The following TMEM150C variants were observed in gnomAD, a reference collection of about 807,000 sequenced individuals.
TMEM150C encodes the protein transmembrane protein 150C.
In TMEM150C, 10 loss-of-function variants were observed where a neutral mutation model predicts 29.9. The observed-to-expected ratio is 0.33, with a 90% CI of 0.21 to 0.57. The LOEUF (loss-of-function observed/expected upper bound fraction) is 0.57. TMEM150C is among the 20% of genes least tolerant of loss of function. The probability of loss-of-function intolerance (pLI) is 0.88; values close to 1 mark genes in which losing one functional copy is unlikely to be tolerated. For synonymous variants in TMEM150C, 101 were observed against 112.5 expected, an observed-to-expected ratio of 0.90 and a Z score of 0.64; for missense variants, 251 against 303.6, an observed-to-expected ratio of 0.83 and a Z score of 1.29.
At chr4:82,494,800 TTTTG>T in intron 6 of TMEM150C, 1 of 292,802 alleles carries the variant, frequency 3.4e-6, no homozygotes, top group South Asian at 3.4e-5. Flanking sequence ...TTTTTTTTTT[TTTTG>T]TGAGTCTGAT....
At chr4:82,533,245 A>G (rs1211930674) in intron 1 of TMEM150C, among the ~76,000 whole-genome samples, 3 of 152,206 alleles carry the variant, frequency 2.0e-5, no homozygotes, top group East Asian at 1.9e-4. Context: ...ATTCATTTAT[A>G]TATTTGTATG....
In TMEM150C at chr4:82,483,523, C is replaced by A. The variant is rs1372487230; in HGVS notation, c.*1988G>T. Reference sequence around the variant, plus strand: ...TTACTTACAGGGATTCTCACTCCCCCATCTGATCCCTATTCATAACTTCTT... The same window carrying A: ...TTACTTACAGGGATTCTCACTCCCCAATCTGATCCCTATTCATAACTTCTT... On this transcript the variant is annotated 3_prime_UTR_variant, in exon 8 of 8. Transcript: ENST00000449862. 3.3e-5 allele frequency: 5 copies of A among 152,182 alleles called. No homozygotes were observed. The highest frequency in any genetic ancestry group is 1.2e-4 in the African/African-American group (5 of 41,444). The allele number at this position is 152,182 out of a possible 1,614,324, so 9.4% of individuals were successfully genotyped here.
Position 82,549,745 on chromosome 4 carries a change from G to A in TMEM150C, c.-11+12161C>T, listed in dbSNP as rs148254067. On this transcript the variant is annotated intron_variant, in intron 1 of 7. Coordinates refer to ENST00000449862, the MANE Select transcript of TMEM150C (RefSeq NM_001080506.3). ...CTTTATTGGAGATATATACAACTCC[G>A]TCAACATTTCAGAGGACTGTATAGT... Among the ~76,000 whole-genome samples the A allele has an allele frequency of 6.4e-3, 968 of 152,216 alleles. 14 individuals carry two copies. Among genetic ancestry groups the A allele is most frequent in the African/African-American group, 0.022 (912 of 41,528 alleles).
chr4:82,557,734 C>CTTTTTTTTTTTT (rs767919077), intron 1 of TMEM150C, among the ~76,000 whole-genome samples: 1 of 131,372 alleles, frequency 7.6e-6, no homozygotes. Context: ...TTTTCTTTTT[C>CTTTTTTTTTTTT]TTTTTTTTTT....
intron 7 of TMEM150C, among the ~76,000 whole-genome samples, chr4:82,489,133 T>C (rs1553905154): frequency 6.7e-6 from 1 of 149,542 alleles, no homozygotes; most frequent in Non-Finnish European, 1.5e-5. Flanking sequence ...AGCTCCTGAC[T>C]TCAAGTGATC....
intron 1 of TMEM150C, among the ~76,000 whole-genome samples, chr4:82,538,646 A>G (rs542677533): frequency 2.0e-5 from 3 of 152,360 alleles, no homozygotes; most frequent in African/African-American, 7.2e-5. Flanking sequence ...TCAACAATAT[A>G]CTAGAAGAAA....
intron 1 of TMEM150C, among the ~76,000 whole-genome samples, chr4:82,538,057 T>TTTTTA (rs1292254855): frequency 2.0e-5 from 3 of 152,202 alleles, no homozygotes; most frequent in South Asian, 4.1e-4. Flanking sequence ...CTCTGCATTA[T>TTTTTA]TTTTATTTTA....
rs367748712 is a variant in TMEM150C, at chr4:82,540,310, C to T, written c.-11+21596G>A. On this transcript the variant is annotated intron_variant, in intron 1 of 7. Coordinates refer to ENST00000449862, the MANE Select transcript of TMEM150C (RefSeq NM_001080506.3). ...ATGTTTTTGTTGAGATGGGGTCTCA[C>T]TATGTGGCCCAGGCTGGTCTCAAAC... Among the ~76,000 whole-genome samples, 55 of 151,278 alleles carry T rather than the reference C, an allele frequency of 3.6e-4. 1 individual carries two copies. The highest frequency in any genetic ancestry group is 1.2e-3 in the African/African-American group (51 of 41,324).
chr4:82,501,663 G>T (rs1281741626), intron 5 of TMEM150C, among the ~76,000 whole-genome samples: 1 of 152,126 alleles, frequency 6.6e-6, no homozygotes, highest in Non-Finnish European at 1.5e-5. Flanking sequence ...CATGTTCTGG[G>T]CTTTCTGAAC....
At chr4:82,528,985 G>C (rs1724746089) in intron 1 of TMEM150C, among the ~76,000 whole-genome samples, 1 of 152,076 alleles carries the variant, frequency 6.6e-6, no homozygotes, top group Non-Finnish European at 1.5e-5. Context: ...TGGTCAGGCT[G>C]GACGTGTTGA....
chr4:82,503,195 C>A, intron 2 of TMEM150C, 83 bp from the exon 3 acceptor site: 1 of 938,678 alleles, frequency 1.1e-6, no homozygotes, highest in South Asian at 1.6e-5. Context: ...ACTAACTGCA[C>A]TAATTCATAT....
chr4:82,546,317 A>G (rs1234705557), intron 1 of TMEM150C, among the ~76,000 whole-genome samples: 3 of 152,242 alleles, frequency 2.0e-5, no homozygotes, highest in African/African-American at 7.2e-5. Flanking sequence ...GAGGTATCAC[A>G]TTACCCAACT....
At chr4:82,556,720 T>C (rs541098907) in intron 1 of TMEM150C, among the ~76,000 whole-genome samples, 1 of 152,142 alleles carries the variant, frequency 6.6e-6, no homozygotes, top group South Asian at 2.1e-4. Context: ...AATAAGTATA[T>C]GTATCTCATC....
intron 1 of TMEM150C, among the ~76,000 whole-genome samples, chr4:82,533,846 C>G (rs1189060196): frequency 1.3e-5 from 2 of 152,100 alleles, no homozygotes; most frequent in African/African-American, 4.8e-5. Flanking sequence ...GAATGTAAAT[C>G]AGGAAAAAAG....
At position 82,512,009 on chromosome 4, in the gene TMEM150C, AAGGCTAT is replaced by A. The variant is rs1162938070; in HGVS notation, c.-10-7349_-10-7343del. ...TTAGGGACAGCAATGTGCTCAGCCC[AAGGCTAT>A]AGGTCATGAGTTGTTAAGCCAATCA... is the stretch of plus-strand genomic sequence containing the variant. On this transcript the variant is annotated intron_variant, in intron 1 of 7. Coordinates refer to ENST00000449862, the MANE Select transcript of TMEM150C (RefSeq NM_001080506.3). Among the ~76,000 whole-genome samples the A allele has an allele frequency of 4.6e-5, 7 of 152,370 alleles. No individual in the cohort carries two copies. In the East Asian group the frequency reaches 1.3e-3, roughly 29 times the overall value.
At chr4:82,490,753 TG>T in intron 6 of TMEM150C, 6 of 382,644 alleles carry the variant, frequency 1.6e-5, no homozygotes, top group East Asian at 6.5e-5. Flanking sequence ...CTGGCTAATT[TG>T]TTTGTTTTGA....
chr4:82,550,053 T>G (rs1005329345), intron 1 of TMEM150C, among the ~76,000 whole-genome samples: 12 of 152,224 alleles, frequency 7.9e-5, no homozygotes, highest in African/African-American at 2.9e-4. Context: ...TTTGGCTCTG[T>G]GTCCCCACCC....
chr4:82,504,116 GA>G (rs1723823899), intron 2 of TMEM150C, among the ~76,000 whole-genome samples: 1 of 151,972 alleles, frequency 6.6e-6, no homozygotes, highest in African/African-American at 2.4e-5. Flanking sequence ...TAGAAAATGG[GA>G]AAAGAAATGA....
intron 1 of TMEM150C, among the ~76,000 whole-genome samples, chr4:82,514,530 A>G (rs932186837): frequency 1.3e-5 from 2 of 151,924 alleles, no homozygotes; most frequent in Admixed American, 6.6e-5. Context: ...CCTTGGGATG[A>G]AGCAAGTGTG....
Sources: allele counts gnomAD v4.1 joint callset (sites outside exome capture counted in the v4.1 genomes callset), GRCh38; gene constraint gnomAD v4.1.1; transcripts MANE v1.5; gene names NCBI Gene and HGNC (gene_info 2026-07-23, HGNC 2026-07-21).